CHST11: variants seen among roughly 807,000 people sequenced by gnomAD.
CHST11 encodes the protein C4S-1.
A neutral mutation model predicts 30.4 loss-of-function variants in CHST11; 9 were observed. The observed-to-expected ratio is 0.30, with a 90% CI of 0.18 to 0.52. The LOEUF (loss-of-function observed/expected upper bound fraction) is 0.52, where lower values mean the gene tolerates loss of function less well. Among genes scored for constraint, CHST11 ranks in the 20% least tolerant of loss-of-function variants. The pLI is 0.97. For synonymous variants in CHST11, 152 were observed against 187.8 expected, an observed-to-expected ratio of 0.81 and a Z score of 1.56; for missense variants, 348 against 460.6, an observed-to-expected ratio of 0.76 and a Z score of 2.24.
At chr12:104,704,084 G>A (rs1180560009) in intron 2 of CHST11, among the ~76,000 whole-genome samples, 4 of 152,158 alleles carry the variant, frequency 2.6e-5, no homozygotes, top group Admixed American at 6.5e-5. Context: ...AACGTTCGTC[G>A]AACGGAAGGT....
intron 1 of CHST11, among the ~76,000 whole-genome samples, chr12:104,489,040 T>G (rs1315602682): frequency 1.3e-5 from 2 of 152,174 alleles, no homozygotes; most frequent in African/African-American, 4.8e-5. Context: ...TCTTCCTCTT[T>G]TTTTTTTCCT....
At chr12:104,715,813 T>TATCGC (rs1344381268) in intron 2 of CHST11, among the ~76,000 whole-genome samples, 2 of 151,984 alleles carry the variant, frequency 1.3e-5, no homozygotes, top group Non-Finnish European at 2.9e-5. Context: ...GATGAAAGGG[T>TATCGC]TCTGGGGCTG....
At chr12:104,488,373 G>A (rs367729559) in intron 1 of CHST11, among the ~76,000 whole-genome samples, 4 of 151,690 alleles carry the variant, frequency 2.6e-5, no homozygotes, top group East Asian at 1.9e-4. Context: ...ATGTGTATGC[G>A]TGTGTATGTG....
chr12:104,580,070 A>T (rs908557832), intron 1 of CHST11, among the ~76,000 whole-genome samples: 1 of 152,248 alleles, frequency 6.6e-6, no homozygotes, highest in African/African-American at 2.4e-5. Context: ...AAAAGGCCTG[A>T]ACTTTCAATA....
intron 2 of CHST11, among the ~76,000 whole-genome samples, chr12:104,618,449 G>C (rs1179042340): frequency 6.6e-6 from 1 of 151,202 alleles, no homozygotes; most frequent in African/African-American, 2.4e-5. Flanking sequence ...TGCCCAGGTT[G>C]GTCTTGAACT....
intron 2 of CHST11, among the ~76,000 whole-genome samples, chr12:104,649,939 T>A (rs1195436787): frequency 6.6e-6 from 1 of 152,202 alleles, no homozygotes; most frequent in East Asian, 1.9e-4. Context: ...CTGGTGGCTC[T>A]GAAAACAGTG....
At chr12:104,639,921 TACAA>T (rs2039359414) in intron 2 of CHST11, among the ~76,000 whole-genome samples, 1 of 152,126 alleles carries the variant, frequency 6.6e-6, no homozygotes, top group Non-Finnish European at 1.5e-5. Flanking sequence ...GGGTGAAAGA[TACAA>T]ACAGATGTCG....
intron 2 of CHST11, among the ~76,000 whole-genome samples, chr12:104,679,211 C>T (rs190920923): frequency 1.3e-5 from 2 of 152,254 alleles, no homozygotes; most frequent in Non-Finnish European, 2.9e-5. Flanking sequence ...AGATTCCAAC[C>T]CAGAAAGTTC....
intron 1 of CHST11, among the ~76,000 whole-genome samples, chr12:104,502,389 T>C (rs889598502): frequency 1.3e-5 from 2 of 152,148 alleles, no homozygotes; most frequent in Non-Finnish European, 2.9e-5. Flanking sequence ...TAGAACAGTC[T>C]AGGAAAATAA....
chr12:104,670,786 ACT>A (rs1357989774), intron 2 of CHST11, among the ~76,000 whole-genome samples: 12 of 128,226 alleles, frequency 9.4e-5, no homozygotes, highest in African/African-American at 3.2e-4. Flanking sequence ...CCACACATAC[ACT>A]CTCACACACA....
At chr12:104,520,198 A>G (rs2038061994) in intron 1 of CHST11, among the ~76,000 whole-genome samples, 1 of 152,240 alleles carries the variant, frequency 6.6e-6, no homozygotes, top group South Asian at 2.1e-4. Context: ...GCTTCAGGAC[A>G]GTCTCTGAAC....
intron 1 of CHST11, among the ~76,000 whole-genome samples, chr12:104,542,213 A>G (rs891789624): frequency 3.9e-5 from 6 of 152,248 alleles, no homozygotes; most frequent in Non-Finnish European, 8.8e-5. Context: ...CCAAAAATTA[A>G]ACGTAGAATT....
intron 1 of CHST11, among the ~76,000 whole-genome samples, chr12:104,556,495 C>G (rs949596181): frequency 2.6e-5 from 4 of 152,142 alleles, no homozygotes; most frequent in African/African-American, 9.7e-5. Flanking sequence ...AGGCTTGGTT[C>G]CTTCTGGAGG....
At chr12:104,596,171 G>A (rs988988233) in intron 1 of CHST11, among the ~76,000 whole-genome samples, 6 of 152,214 alleles carry the variant, frequency 3.9e-5, no homozygotes, top group Non-Finnish European at 5.9e-5. Flanking sequence ...AACTTGATGA[G>A]GTTGAATCAG....
At chr12:104,722,630 C>T (rs2136127509) in intron 2 of CHST11, among the ~76,000 whole-genome samples, 1 of 152,174 alleles carries the variant, frequency 6.6e-6, no homozygotes, top group African/African-American at 2.4e-5. Flanking sequence ...TGGACGTAGC[C>T]TGGCACCTGT....
chr12:104,482,156 A>G (rs1436989863), intron 1 of CHST11, among the ~76,000 whole-genome samples: 2 of 151,862 alleles, frequency 1.3e-5, no homozygotes, highest in Non-Finnish European at 2.9e-5. Flanking sequence ...TGTTGCTGAT[A>G]TAAAGAATGT....
In CHST11 at chr12:104,756,971, T is replaced by C; in HGVS notation, c.227T>C (p.Val76Ala). The stretch of plus-strand genomic sequence containing the variant: ...CAGCTGGAGCTCTCAAACACTGCTG[T>C]CCTGCACCAGATGCGGCGGGACCAG... ...PIQLELSNTAVLHQMRRDQVT... is the reference protein window; with the variant it reads ...PIQLELSNTAALHQMRRDQVT... The change falls in exon 3 of 3, where the codon GTC becomes GCC. Residue 76 changes from valine to alanine, a missense_variant. By Grantham distance (64) the Val-to-Ala change is moderately conservative (BLOSUM62 0). This residue lies in a region of CHST11 where 135 missense variants were observed against 155.8 expected (regional missense o/e 0.87). Transcript: ENST00000303694. 3.7e-6 allele frequency: 6 copies of C among 1,613,572 alleles called. No individual in the cohort carries two copies. Among genetic ancestry groups the C allele is most frequent in the Non-Finnish European group, 5.1e-6 (6 of 1,179,960 alleles).
intron 2 of CHST11, among the ~76,000 whole-genome samples, chr12:104,741,440 A>C (rs1473292202): frequency 1.3e-5 from 2 of 152,238 alleles, no homozygotes; most frequent in Non-Finnish European, 2.9e-5. Flanking sequence ...ACAATGGAGA[A>C]ATCGGGTATT....
Position 104,668,438 on chromosome 12 carries a change from C to T in CHST11, c.204+66447C>T, listed in dbSNP as rs573480462. 7.9e-5 allele frequency among the ~76,000 whole-genome samples: 12 copies of T among 152,254 alleles called. 1 individual carries two copies. In the East Asian group the frequency reaches 1.5e-3, roughly 20 times the overall value. On this transcript the variant is annotated intron_variant, in intron 2 of 2. Transcript: ENST00000303694. ...CACCATGACAACACAGAACACACTG[C>T]GTTGGGACGTCAGCTGGGTCAGCTG...
Sources: allele counts gnomAD v4.1 joint callset (sites outside exome capture counted in the v4.1 genomes callset), GRCh38; gene constraint gnomAD v4.1.1; regional missense constraint gnomAD v4.1.1; transcripts MANE v1.5; gene names NCBI Gene and HGNC (gene_info 2026-07-23, HGNC 2026-07-21).